The following SUCLG2 variants were observed in gnomAD, a reference collection of about 807,000 sequenced individuals.
SUCLG2 encodes the protein succinate--CoA ligase [GDP-forming] subunit beta, mitochondrial.
Under a neutral mutation model 47.9 loss-of-function variants are expected in SUCLG2, and 42 were observed. The observed-to-expected ratio is 0.88, with a 90% CI of 0.69 to 1.14. SUCLG2 has a LOEUF of 1.14. Ranked by LOEUF, SUCLG2 falls within the 50% of genes most tolerant of loss-of-function variation. The pLI is 0.00. For missense variants in SUCLG2, 571 were observed against 525.9 expected (o/e 1.09, Z -0.84); for synonymous variants, 195 against 197.3 (o/e 0.99, Z 0.10).
intron 1 of SUCLG2, among the ~76,000 whole-genome samples, chr3:67,620,387 C>G (rs545393754): frequency 4.7e-4 from 72 of 152,132 alleles, no homozygotes; most frequent in South Asian, 4.4e-3. Context: ...GAGTTCAAGA[C>G]CAGCATGGCC....
chr3:67,617,046 T>A (rs1700642853), intron 1 of SUCLG2, among the ~76,000 whole-genome samples: 1 of 152,212 alleles, frequency 6.6e-6, no homozygotes, highest in East Asian at 1.9e-4. Flanking sequence ...GTATGCAAAT[T>A]AGCACCGATA....
chr3:67,551,374 TG>T (rs1707009514), intron 2 of SUCLG2, among the ~76,000 whole-genome samples: 1 of 152,210 alleles, frequency 6.6e-6, no homozygotes, highest in African/African-American at 2.4e-5. Flanking sequence ...CCAAGGCCTG[TG>T]TCTTGTCTTG....
At chr3:67,569,913 T>C (rs1358303479) in intron 2 of SUCLG2, among the ~76,000 whole-genome samples, 1 of 152,172 alleles carries the variant, frequency 6.6e-6, no homozygotes, top group African/African-American at 2.4e-5. Context: ...TATGGGCTGT[T>C]TGTAAACCTC....
chr3:67,639,684 A>C (rs1418805804), intron 1 of SUCLG2, among the ~76,000 whole-genome samples: 1 of 152,172 alleles, frequency 6.6e-6, no homozygotes, highest in Non-Finnish European at 1.5e-5. Flanking sequence ...TGTGGAATTA[A>C]GCAAAGTCAC....
chr3:67,425,716 T>C (rs1221982487), intron 9 of SUCLG2, among the ~76,000 whole-genome samples: 3 of 152,180 alleles, frequency 2.0e-5, no homozygotes, highest in African/African-American at 4.8e-5. Flanking sequence ...AGACAGCAGA[T>C]TGTGGGATTC....
chr3:67,468,277 C>T (rs887683191), intron 9 of SUCLG2, among the ~76,000 whole-genome samples: 5 of 152,206 alleles, frequency 3.3e-5, no homozygotes, highest in African/African-American at 7.2e-5. Context: ...ATGAAGGGCA[C>T]AGTCTAGCAG....
At chr3:67,548,445 C>T (rs1203995069) in intron 2 of SUCLG2, among the ~76,000 whole-genome samples, 2 of 152,114 alleles carry the variant, frequency 1.3e-5, no homozygotes, top group South Asian at 2.1e-4. Flanking sequence ...GAGTAAGTTC[C>T]GTGCATCAGT....
chr3:67,495,748 G>A lies in SUCLG2; in HGVS notation c.1062+50C>T, dbSNP rs147940391. ...CAGGAAGAACAAGTGAGCTCTTGAC[G>A]GTGAGAAATTAAAACTGGCATATAA... On this transcript the variant is annotated intron_variant, in intron 9 of 10. Coordinates refer to ENST00000307227, the MANE Select transcript of SUCLG2 (RefSeq NM_003848.4). 3.4e-4 allele frequency: 554 copies of A among 1,606,872 alleles called. 1 individual carries two copies. The highest frequency in any genetic ancestry group is 1.0e-3 in the African/African-American group (76 of 74,728).
intron 9 of SUCLG2, among the ~76,000 whole-genome samples, chr3:67,492,143 T>G (rs1277260083): frequency 6.6e-6 from 1 of 152,218 alleles, no homozygotes; most frequent in Non-Finnish European, 1.5e-5. Flanking sequence ...TCAAATCCAA[T>G]GAGGTGCCTT....
At chr3:67,487,002 A>C (rs191896384) in intron 9 of SUCLG2, among the ~76,000 whole-genome samples, 131 of 152,354 alleles carry the variant, frequency 8.6e-4, no homozygotes, top group African/African-American at 2.9e-3. Context: ...AGAACAAGCA[A>C]ATAATGATCA....
At chr3:67,619,524 G>C (rs898559966) in intron 1 of SUCLG2, among the ~76,000 whole-genome samples, 4 of 152,160 alleles carry the variant, frequency 2.6e-5, no homozygotes, top group Non-Finnish European at 5.9e-5. Context: ...CTGGTTTATA[G>C]ATTTCACTGC....
chr3:67,600,143 T>C (rs1458127108), intron 2 of SUCLG2, among the ~76,000 whole-genome samples: 1 of 152,188 alleles, frequency 6.6e-6, no homozygotes, highest in Non-Finnish European at 1.5e-5. Flanking sequence ...ACTTAGAAAA[T>C]ATCAACCAAC....
intron 2 of SUCLG2, among the ~76,000 whole-genome samples, chr3:67,553,683 C>G (rs1289415393): frequency 6.6e-6 from 1 of 151,996 alleles, no homozygotes; most frequent in East Asian, 1.9e-4. Context: ...TAAATTGCAC[C>G]AGTAACTCCC....
intron 10 of SUCLG2, chr3:67,376,636 G>GAA (rs1702039205): frequency 2.4e-6 from 1 of 424,468 alleles, no homozygotes; most frequent in African/African-American, 2.1e-5. Context: ...AGGCCTTGGA[G>GAA]AACTTGCCTT....
At position 67,565,677 on chromosome 3, in the gene SUCLG2, T is replaced by C. The variant is rs76589209; in HGVS notation, c.227-36491A>G. On this transcript the variant is annotated intron_variant, in intron 2 of 10. Coordinates refer to ENST00000307227, the MANE Select transcript of SUCLG2 (RefSeq NM_003848.4). Reference sequence around the variant, plus strand: ...AATTTCCACTGTGATGTTTATCATATTGTACAAGAGTAATTTGTCATCCTC... The same window carrying C: ...AATTTCCACTGTGATGTTTATCATACTGTACAAGAGTAATTTGTCATCCTC... 3.9e-3 allele frequency among the ~76,000 whole-genome samples: 601 copies of C among 152,332 alleles called. 10 individuals are homozygous for C. In the East Asian group the frequency reaches 0.047, roughly 12 times the overall value.
At chr3:67,558,641 A>C (rs1489957335) in intron 2 of SUCLG2, among the ~76,000 whole-genome samples, 1 of 152,162 alleles carries the variant, frequency 6.6e-6, no homozygotes, top group East Asian at 1.9e-4. Context: ...CGGTAATAGA[A>C]ATTTCCTACT....
intron 7 of SUCLG2, among the ~76,000 whole-genome samples, chr3:67,504,710 C>T (rs974430408): frequency 2.0e-5 from 3 of 152,114 alleles, no homozygotes; most frequent in Non-Finnish European, 4.4e-5. Flanking sequence ...AAAATGCCCA[C>T]CCTTCCCATG....
At position 67,615,621 on chromosome 3, in the gene SUCLG2, A is replaced by ACACACAC. The variant is rs1553670704; in HGVS notation, c.85-6026_85-6025insGTGTGTG. On this transcript the variant is annotated intron_variant, in intron 1 of 10. Transcript: ENST00000307227. Reference sequence around the variant, plus strand: ...GCCACTGAACACAAACACAAACACAAACACACACACACACACACACACACA... The same window carrying ACACACAC: ...GCCACTGAACACAAACACAAACACAACACACACACACACACACACACACACACACACA... Among the ~76,000 whole-genome samples, 373 of 142,156 alleles carry ACACACAC rather than the reference A, an allele frequency of 2.6e-3. 2 individuals are homozygous for ACACACAC. Among genetic ancestry groups the ACACACAC allele is most frequent in the Non-Finnish European group, 4.8e-3 (312 of 65,336 alleles). The allele number at this position is 142,156 out of a possible 152,430, so 93.3% of individuals were successfully genotyped here.
intron 2 of SUCLG2, among the ~76,000 whole-genome samples, chr3:67,586,880 C>T (rs1388665552): frequency 6.6e-6 from 1 of 152,194 alleles, no homozygotes; most frequent in East Asian, 1.9e-4. Context: ...AGTCAGTACC[C>T]TAAGCTGCCT....
Sources: allele counts gnomAD v4.1 joint callset (sites outside exome capture counted in the v4.1 genomes callset), GRCh38; gene constraint gnomAD v4.1.1; transcripts MANE v1.5; gene names NCBI Gene and HGNC (gene_info 2026-07-23, HGNC 2026-07-21).